The following IGF2BP3 variants were observed in gnomAD, a reference collection of about 807,000 sequenced individuals.
IGF2BP3 encodes insulin like growth factor 2 mRNA binding protein 3, also known as insulin-like growth factor 2 mRNA-binding protein 3.
A neutral mutation model predicts 73.8 loss-of-function variants in IGF2BP3; 9 were observed. The ratio of observed to expected loss-of-function variants is 0.12; its 90% CI spans 0.07 to 0.21. IGF2BP3 has a LOEUF of 0.21. Among genes scored for constraint, IGF2BP3 ranks in the 10% least tolerant of loss-of-function variants. IGF2BP3 has a pLI of 1.00. For missense variants in IGF2BP3, 542 were observed against 714.0 expected (o/e 0.76, Z 2.75); for synonymous variants, 258 against 256.7 (o/e 1.01, Z -0.05).
intron 3 of IGF2BP3, among the ~76,000 whole-genome samples, chr7:23,401,863 A>G (rs1055200304): frequency 4.6e-5 from 7 of 151,964 alleles, no homozygotes; most frequent in African/African-American, 1.7e-4. Context: ...AATCCCAGGA[A>G]TTTGGTTGGC....
chr7:23,396,470 C>A, intron 3 of IGF2BP3: 1 of 184,354 alleles, frequency 5.4e-6, no homozygotes, highest in East Asian at 1.5e-4. Flanking sequence ...CCCAAAATAG[C>A]TGGAATTACT....
intron 10 of IGF2BP3, among the ~76,000 whole-genome samples, chr7:23,327,774 A>G (rs1784342067): frequency 6.6e-6 from 1 of 152,198 alleles, no homozygotes; most frequent in Admixed American, 6.5e-5. Flanking sequence ...CTACCAAATG[A>G]CATCACTCTT....
intron 2 of IGF2BP3, among the ~76,000 whole-genome samples, chr7:23,446,141 C>T (rs150580004): frequency 6.6e-6 from 1 of 152,332 alleles, no homozygotes; most frequent in Non-Finnish European, 1.5e-5. Context: ...TAAAAAACCT[C>T]ACTTCCATAG....
At chr7:23,361,305 T>C (rs1169900829) in intron 5 of IGF2BP3, 5 of 440,608 alleles carry the variant, frequency 1.1e-5, no homozygotes, top group Non-Finnish European at 2.0e-5. Context: ...ACTAGACCAC[T>C]CTATTATTGG....
At chr7:23,355,719 G>A (rs1412122984) in intron 5 of IGF2BP3, among the ~76,000 whole-genome samples, 6 of 152,136 alleles carry the variant, frequency 3.9e-5, no homozygotes, top group African/African-American at 1.4e-4. Context: ...GATCACTTGA[G>A]GTCAGGAGTT....
intron 2 of IGF2BP3, among the ~76,000 whole-genome samples, chr7:23,451,621 C>T (rs994389217): frequency 1.3e-5 from 2 of 152,040 alleles, no homozygotes; most frequent in Non-Finnish European, 2.9e-5. Context: ...AGACCTCTAT[C>T]ATTCCTTATA....
intron 5 of IGF2BP3, among the ~76,000 whole-genome samples, chr7:23,360,319 C>T (rs538491972): frequency 6.6e-6 from 1 of 152,172 alleles, no homozygotes; most frequent in South Asian, 2.1e-4. Flanking sequence ...TGCGATTAAT[C>T]AAAGTCATGC....
intron 13 of IGF2BP3, among the ~76,000 whole-genome samples, 155 bp from the exon 14 acceptor site, chr7:23,313,003 C>G (rs1049396178): frequency 6.6e-6 from 1 of 152,216 alleles, no homozygotes; most frequent in Non-Finnish European, 1.5e-5. Context: ...ATCCCCACTT[C>G]AAGATGATTA....
chr7:23,388,174 A>G (rs943117753), intron 3 of IGF2BP3, among the ~76,000 whole-genome samples: 4 of 152,132 alleles, frequency 2.6e-5, no homozygotes, highest in African/African-American at 9.6e-5. Flanking sequence ...CCTGACCTCA[A>G]GATCCACCTG....
chr7:23,451,543 G>A (rs572242840), intron 2 of IGF2BP3, among the ~76,000 whole-genome samples: 6 of 151,438 alleles, frequency 4.0e-5, no homozygotes, highest in Admixed American at 2.0e-4. Context: ...GCAGTGAGAT[G>A]AGATTGCACC....
intron 12 of IGF2BP3, 122 bp from the exon 13 acceptor site, chr7:23,313,775 T>C (rs1234868367): frequency 3.4e-6 from 3 of 884,488 alleles, no homozygotes; most frequent in East Asian, 5.2e-5. Flanking sequence ...CTACATTTCA[T>C]AGATTGTTGA....
At chr7:23,392,477 T>C (rs1396870993) in intron 3 of IGF2BP3, among the ~76,000 whole-genome samples, 1 of 150,674 alleles carries the variant, frequency 6.6e-6, no homozygotes, top group African/African-American at 2.4e-5. Context: ...TATATGTATA[T>C]ATATATATAC....
At chr7:23,468,968 G>A (rs1354121547) in intron 1 of IGF2BP3, among the ~76,000 whole-genome samples, 2 of 152,224 alleles carry the variant, frequency 1.3e-5, no homozygotes, top group East Asian at 3.9e-4. Context: ...AGACCCGCCG[G>A]GAACACTCAG....
At chr7:23,451,400 G>C (rs1788192250) in intron 2 of IGF2BP3, among the ~76,000 whole-genome samples, 1 of 152,012 alleles carries the variant, frequency 6.6e-6, no homozygotes, top group Admixed American at 6.6e-5. Flanking sequence ...CTGGGCAACA[G>C]AGCAAGACTC....
At chr7:23,361,794 CA>C in intron 3 of IGF2BP3, 53 bp from the exon 4 acceptor site, 2 of 1,480,276 alleles carry the variant, frequency 1.4e-6, no homozygotes, top group Non-Finnish European at 1.9e-6. Context: ...AAGTTATTAT[CA>C]AGGGCAGGAA....
intron 2 of IGF2BP3, among the ~76,000 whole-genome samples, chr7:23,443,357 T>G (rs1787982007): frequency 6.6e-6 from 1 of 152,056 alleles, no homozygotes; most frequent in Non-Finnish European, 1.5e-5. Flanking sequence ...ACTCCCGACC[T>G]CAGGTGATTC....
chr7:23,394,196 T>A (rs1027831901), intron 3 of IGF2BP3, among the ~76,000 whole-genome samples: 3 of 152,270 alleles, frequency 2.0e-5, no homozygotes, highest in African/African-American at 7.2e-5. Context: ...CTATTTATAA[T>A]CAGCAAGACT....
rs1041559685 is a variant in IGF2BP3, at chr7:23,351,331, C to G, written c.657G>C (p.Arg219=). The part of the protein sequence containing the change: ...AIIGKEGATI[R]NITKQTQSKI... Reference sequence around the variant, plus strand: ...TAGACTGGGTCTGTTTGGTGATGTTCCGAATGGTGGCACCTTCTTTTCCTA... The same window carrying G: ...TAGACTGGGTCTGTTTGGTGATGTTGCGAATGGTGGCACCTTCTTTTCCTA... The change falls in exon 6 of 15, where the codon CGG becomes CGC. Residue 219 remains arginine, a synonymous_variant. Transcript: ENST00000258729. 1 of 1,613,864 alleles carries G rather than the reference C, an allele frequency of 6.2e-7. No individual in the cohort carries two copies. Among genetic ancestry groups the G allele is most frequent in the Non-Finnish European group, 8.5e-7 (1 of 1,179,870 alleles).
intron 3 of IGF2BP3, among the ~76,000 whole-genome samples, chr7:23,399,936 CTGAGCCATA>C (rs1753275697): frequency 6.6e-6 from 1 of 152,210 alleles, no homozygotes; most frequent in African/African-American, 2.4e-5. Context: ...CCATCTCCCA[CTGAGCCATA>C]TGAGCCAGTT....
Sources: allele counts gnomAD v4.1 joint callset (sites outside exome capture counted in the v4.1 genomes callset), GRCh38; gene constraint gnomAD v4.1.1; transcripts MANE v1.5; gene names NCBI Gene and HGNC (gene_info 2026-07-23, HGNC 2026-07-21).